CCDC148: variants seen among roughly 807,000 people sequenced by gnomAD.
CCDC148 encodes coiled-coil domain-containing protein 148.
In CCDC148, 89 loss-of-function variants were observed where a neutral mutation model predicts 85.7. That is an observed-to-expected ratio of 1.04 (90% CI 0.87 to 1.24). The LOEUF (loss-of-function observed/expected upper bound fraction) is 1.24, where lower values mean the gene tolerates loss of function less well. Ranked by LOEUF, CCDC148 falls within the 50% of genes most tolerant of loss-of-function variation. The pLI is 0.00. For missense variants in CCDC148, 692 were observed against 671.7 expected (o/e 1.03, Z -0.33); for synonymous variants, 230 against 213.9 (o/e 1.08, Z -0.66).
chr2:158,253,435 A>C (rs917342861), intron 9 of CCDC148, among the ~76,000 whole-genome samples: 1 of 151,564 alleles, frequency 6.6e-6, no homozygotes, highest in African/African-American at 2.4e-5. Context: ...CCTTCTTCAT[A>C]AAATATTCAT....
chr2:158,191,757 A>G (rs1294092984), intron 11 of CCDC148, among the ~76,000 whole-genome samples: 1 of 151,938 alleles, frequency 6.6e-6, no homozygotes, highest in Admixed American at 6.6e-5. Flanking sequence ...GTTTTGTCTC[A>G]GAATTCAGCT....
chr2:158,321,494 T>C (rs1452250473), intron 7 of CCDC148, among the ~76,000 whole-genome samples: 2 of 152,202 alleles, frequency 1.3e-5, no homozygotes, highest in Non-Finnish European at 2.9e-5. Context: ...AACCTGAGAC[T>C]GGACATGCCC....
At chr2:158,228,521 C>T (rs534662856) in intron 10 of CCDC148, among the ~76,000 whole-genome samples, 6 of 152,150 alleles carry the variant, frequency 3.9e-5, no homozygotes, top group East Asian at 3.9e-4. Context: ...ATGTTTATTG[C>T]GGCAGTATTC....
chr2:158,207,537 G>C (rs906142437), intron 11 of CCDC148: 2 of 152,154 alleles, frequency 1.3e-5, no homozygotes, highest in Non-Finnish European at 2.9e-5. Flanking sequence ...GGACAACAAT[G>C]GTTACATTGA....
chr2:158,212,892 T>C (rs79564567), intron 11 of CCDC148, among the ~76,000 whole-genome samples: 3,376 of 152,286 alleles, frequency 0.022, 48 homozygotes, highest in East Asian at 0.068. Flanking sequence ...AGAGAAATTA[T>C]GGGCATTTCT....
At chr2:158,433,522 C>T (rs1013323479) in intron 1 of CCDC148, among the ~76,000 whole-genome samples, 3 of 151,852 alleles carry the variant, frequency 2.0e-5, no homozygotes, top group South Asian at 2.1e-4. Context: ...CCAAGATGGC[C>T]GAATAGGAAC....
intron 10 of CCDC148, among the ~76,000 whole-genome samples, chr2:158,224,619 T>C (rs11890889): frequency 0.038 from 5,839 of 152,222 alleles, 353 homozygotes; most frequent in African/African-American, 0.13. Context: ...GCTGAAACTC[T>C]CAAGCCAGAA....
At chr2:158,253,639 CTT>C (rs978422047) in intron 9 of CCDC148, among the ~76,000 whole-genome samples, 2 of 151,580 alleles carry the variant, frequency 1.3e-5, no homozygotes, top group African/African-American at 4.8e-5. Context: ...CAACAAGTAA[CTT>C]TTATTTAATC....
At chr2:158,272,597 C>T (rs937625214) in intron 9 of CCDC148, among the ~76,000 whole-genome samples, 2 of 152,146 alleles carry the variant, frequency 1.3e-5, no homozygotes, top group Non-Finnish European at 2.9e-5. Context: ...GCAGAATCCC[C>T]AGCCCCTGAG....
At chr2:158,317,687 T>C (rs1306167045) in intron 7 of CCDC148, among the ~76,000 whole-genome samples, 1 of 152,158 alleles carries the variant, frequency 6.6e-6, no homozygotes, top group Non-Finnish European at 1.5e-5. Context: ...CAAATACATT[T>C]AGGGGTGGAG....
intron 11 of CCDC148, among the ~76,000 whole-genome samples, chr2:158,182,866 T>C (rs909323992): frequency 3.3e-5 from 5 of 152,142 alleles, no homozygotes; most frequent in African/African-American, 9.6e-5. Context: ...TACTCACATA[T>C]TCATGGGGAA....
intron 9 of CCDC148, among the ~76,000 whole-genome samples, chr2:158,290,973 C>T (rs1690863933): frequency 6.6e-6 from 1 of 152,062 alleles, no homozygotes; most frequent in African/African-American, 2.4e-5. Flanking sequence ...TTATCTCCAC[C>T]TCTATCACCA....
At chr2:158,340,532 T>C in intron 4 of CCDC148, 66 bp downstream of exon 4, 1 of 1,375,084 alleles carries the variant, frequency 7.3e-7, no homozygotes, top group Non-Finnish European at 1.0e-6. Flanking sequence ...GAACATGAAG[T>C]GAGTGGCCCA....
rs990984296 is a variant in CCDC148, at chr2:158,248,061, C to T, written c.1251+2711G>A. Among the ~76,000 whole-genome samples, 16 of 151,972 alleles carry T rather than the reference C, an allele frequency of 1.1e-4. 1 individual carries two copies. The highest frequency in any genetic ancestry group is 3.6e-4 in the African/African-American group (15 of 41,382). On this transcript the variant is annotated intron_variant, in intron 10 of 13. Transcript: ENST00000283233. Reference sequence around the variant, plus strand: ...ATTAGGTATTTGTCCTAATGCTCTCCCTCCCCTTGTCCCCCACCCCCTGAA... The same window carrying T: ...ATTAGGTATTTGTCCTAATGCTCTCTCTCCCCTTGTCCCCCACCCCCTGAA...
At chr2:158,355,434 A>C (rs1188489028) in intron 2 of CCDC148, among the ~76,000 whole-genome samples, 2 of 152,212 alleles carry the variant, frequency 1.3e-5, no homozygotes, top group Non-Finnish European at 2.9e-5. Flanking sequence ...ATATACCAGC[A>C]ACAGAAAAAC....
chr2:158,250,566 C>T (rs1267646160), intron 10 of CCDC148, among the ~76,000 whole-genome samples: 1 of 150,198 alleles, frequency 6.7e-6, no homozygotes, highest in Non-Finnish European at 1.5e-5. Context: ...CCTGTGCTCA[C>T]ACAAATCAAC....
chr2:158,359,870 G>C (rs1269039143), intron 1 of CCDC148, among the ~76,000 whole-genome samples: 3 of 152,154 alleles, frequency 2.0e-5, no homozygotes, highest in African/African-American at 4.8e-5. Context: ...GGAGCCAAGT[G>C]ATCTAGCTCT....
At position 158,313,803 on chromosome 2, in the gene CCDC148, G is replaced by A; in HGVS notation, c.856C>T (p.Leu286=). Residue 286 remains leucine (L), a synonymous_variant, in exon 8 of 14, where the codon CTG becomes TTG. Coordinates refer to ENST00000283233, the MANE Select transcript of CCDC148 (RefSeq NM_138803.4). Reference sequence around the variant, plus strand: ...GGAAAATATCTTTGTAACATGTCCAGATACAGAGTCCTTCTTCCAAAGAGA... The same window carrying A: ...GGAAAATATCTTTGTAACATGTCCAAATACAGAGTCCTTCTTCCAAAGAGA... ...GDLFGRRTLY[L]DMLQRYFPHK... 6.2e-7 allele frequency: 1 copy of A among 1,613,984 alleles called. No homozygotes were observed. Among genetic ancestry groups the A allele is most frequent in the Non-Finnish European group, 8.5e-7 (1 of 1,179,932 alleles).
chr2:158,449,040 C>G (rs546182789), intron 1 of CCDC148, among the ~76,000 whole-genome samples: 1 of 151,834 alleles, frequency 6.6e-6, no homozygotes, highest in Non-Finnish European at 1.5e-5. Context: ...GTTGGCCAGG[C>G]TGCTCTTGAA....
Sources: allele counts gnomAD v4.1 joint callset (sites outside exome capture counted in the v4.1 genomes callset), GRCh38; gene constraint gnomAD v4.1.1; transcripts MANE v1.5; gene names NCBI Gene and HGNC (gene_info 2026-07-23, HGNC 2026-07-21).